ITPR2: variants seen among roughly 807,000 people sequenced by gnomAD.
The protein encoded by ITPR2 is inositol 1,4,5-trisphosphate receptor type 2.
Under a neutral mutation model 317.1 loss-of-function variants are expected in ITPR2, and 207 were observed. That is an observed-to-expected ratio of 0.65 (90% CI 0.58 to 0.73). The LOEUF (loss-of-function observed/expected upper bound fraction) is 0.73, where lower values mean the gene tolerates loss of function less well. Among genes scored for constraint, ITPR2 ranks in the 30% least tolerant of loss-of-function variants. ITPR2 has a pLI of 0.00. For synonymous variants in ITPR2, 1,156 were observed against 1,149.1 expected (o/e 1.01, Z -0.12); for missense variants, 2,613 against 3,284.0 (o/e 0.80, Z 4.99).
At position 26,514,540 on chromosome 12, in the gene ITPR2, T is replaced by G. The variant is rs1338289962; in HGVS notation, c.5074-19280A>C. Among the ~76,000 whole-genome samples the G allele has an allele frequency of 3.9e-5, 6 of 152,222 alleles. No homozygotes were observed. In the East Asian group the frequency reaches 1.2e-3, roughly 29 times the overall value. ...TGCCTTGGCACGTGCTATTTCCAAC[T>G]CTGTCTGGAAATAATAGTACATTGA... On this transcript the variant is annotated intron_variant, in intron 37 of 56. Coordinates refer to ENST00000381340, the MANE Select transcript of ITPR2 (RefSeq NM_002223.4).
chr12:26,593,729 ATTTTTTTGTT>A (rs1945763725), intron 32 of ITPR2, among the ~76,000 whole-genome samples: 1 of 85,680 alleles, frequency 1.2e-5, no homozygotes, highest in South Asian at 3.2e-4. Context: ...AATCATTGCT[ATTTTTTTGTT>A]TTTTTTTTTG....
At chr12:26,522,500 A>G (rs1023412138) in intron 37 of ITPR2, among the ~76,000 whole-genome samples, 1 of 152,188 alleles carries the variant, frequency 6.6e-6, no homozygotes, top group South Asian at 2.1e-4. Flanking sequence ...GGAAGAAAAC[A>G]TCTAAGATCT....
At chr12:26,637,681 A>C (rs1432287068) in intron 21 of ITPR2, among the ~76,000 whole-genome samples, 1 of 152,198 alleles carries the variant, frequency 6.6e-6, no homozygotes, top group Non-Finnish European at 1.5e-5. Flanking sequence ...CTTTCGCTAC[A>C]CCTCTGAAAA....
intron 37 of ITPR2, among the ~76,000 whole-genome samples, chr12:26,519,286 G>A (rs1943606762): frequency 6.6e-6 from 1 of 152,170 alleles, no homozygotes; most frequent in African/African-American, 2.4e-5. Flanking sequence ...GTGTGTTTGT[G>A]TGTTGGTGAA....
At chr12:26,748,767 G>C (rs1283060120) in intron 2 of ITPR2, among the ~76,000 whole-genome samples, 1 of 152,198 alleles carries the variant, frequency 6.6e-6, no homozygotes, top group East Asian at 1.9e-4. Context: ...ACCCATGGGT[G>C]ATGAGTCACT....
chr12:26,799,690 T>C (rs758349179), intron 1 of ITPR2, among the ~76,000 whole-genome samples: 3 of 152,238 alleles, frequency 2.0e-5, no homozygotes, highest in Non-Finnish European at 1.5e-5. Flanking sequence ...TTCCTTTTCT[T>C]GATCCTCTTG....
intron 54 of ITPR2, among the ~76,000 whole-genome samples, chr12:26,389,439 C>T (rs577404351): frequency 1.8e-4 from 28 of 151,740 alleles, no homozygotes; most frequent in African/African-American, 6.0e-4. Context: ...CCTTACCTCT[C>T]ACTGTTCTCT....
At chr12:26,765,532 GATGGATGTAAT>G (rs1247458071) in intron 2 of ITPR2, among the ~76,000 whole-genome samples, 3 of 152,036 alleles carry the variant, frequency 2.0e-5, no homozygotes. Flanking sequence ...CTGCTGATTG[GATGGATGTAAT>G]AACATACAAC....
At chr12:26,572,345 T>C (rs1945183017) in intron 34 of ITPR2, among the ~76,000 whole-genome samples, 1 of 152,160 alleles carries the variant, frequency 6.6e-6, no homozygotes, top group Non-Finnish European at 1.5e-5. Flanking sequence ...AACTCTGAAA[T>C]GGGCCTTATC....
At position 26,628,718 on chromosome 12, in the gene ITPR2, G is replaced by T. The variant is rs112404405; in HGVS notation, c.2935-556C>A. 2.0e-3 allele frequency among the ~76,000 whole-genome samples: 308 copies of T among 152,242 alleles called. 1 individual carries two copies. The highest frequency in any genetic ancestry group is 6.9e-3 in the African/African-American group (286 of 41,548). ...TCATTGTTCTCATTCATGGATGCACGGACAGAAACTAAGTACCTAGCAAGG... is the reference window on the plus strand; with the variant it reads ...TCATTGTTCTCATTCATGGATGCACTGACAGAAACTAAGTACCTAGCAAGG... On this transcript the variant is annotated intron_variant, in intron 22 of 56. Transcript: ENST00000381340.
chr12:26,680,796 G>A (rs1242362416), intron 13 of ITPR2, among the ~76,000 whole-genome samples: 2 of 152,124 alleles, frequency 1.3e-5, no homozygotes, highest in Admixed American at 1.3e-4. Flanking sequence ...TTTTCCATTT[G>A]GGGTTATTTC....
rs772288538 is a variant in ITPR2, at chr12:26,427,991, C to T, written c.6867G>A (p.Pro2289=). The change falls in exon 49 of 57, where the codon CCG becomes CCA. Residue 2289 remains proline, a synonymous_variant. Transcript: ENST00000381340. ...ATCTGAGCATTATTGATACAAGAAA[C>T]GGCCGAATACCCACAGGCTTGGAGA... The part of the protein sequence containing the change: ...FFFSKPVGIR[P]FLVSIMLRSI... The T allele has an allele frequency of 1.8e-5, 29 of 1,612,462 alleles. No homozygotes were observed. The highest frequency in any genetic ancestry group is 3.3e-5 in the South Asian group (3 of 90,916).
chr12:26,819,546 CA>C (rs1950908639), intron 1 of ITPR2, among the ~76,000 whole-genome samples: 1 of 152,158 alleles, frequency 6.6e-6, no homozygotes, highest in African/African-American at 2.4e-5. Flanking sequence ...GCATTTTTAT[CA>C]GCAAATTCTT....
intron 37 of ITPR2, among the ~76,000 whole-genome samples, chr12:26,539,729 G>A (rs2292050): frequency 0.078 from 11,932 of 152,264 alleles, 1,229 homozygotes; most frequent in East Asian, 0.46. Flanking sequence ...TCTGCGAGAC[G>A]TCTTCTTCCT....
intron 41 of ITPR2, 29 bp from the exon 42 acceptor site, chr12:26,483,927 G>C: frequency 1.9e-6 from 3 of 1,587,840 alleles, no homozygotes; most frequent in Non-Finnish European, 2.6e-6. Flanking sequence ...AAAATTGAAG[G>C]GTTACAAAAA....
intron 10 of ITPR2, among the ~76,000 whole-genome samples, chr12:26,687,704 C>T (rs193072821): frequency 6.6e-6 from 1 of 152,162 alleles, no homozygotes; most frequent in Admixed American, 6.5e-5. Context: ...AATGGTAGCA[C>T]CGTTGAAATG....
intron 42 of ITPR2, among the ~76,000 whole-genome samples, chr12:26,483,014 A>C (rs967360547): frequency 2.0e-5 from 3 of 152,176 alleles, no homozygotes; most frequent in Non-Finnish European, 2.9e-5. Context: ...TCAACTGGCA[A>C]ACTTTCAGGT....
intron 45 of ITPR2, among the ~76,000 whole-genome samples, chr12:26,457,662 G>A (rs139301812): frequency 7.2e-5 from 11 of 152,208 alleles, no homozygotes; most frequent in African/African-American, 1.7e-4. Flanking sequence ...TGTAACATAC[G>A]GTGCAATGAA....
At chr12:26,626,839 AG>A (rs1480481020) in intron 23 of ITPR2, among the ~76,000 whole-genome samples, 1 of 152,256 alleles carries the variant, frequency 6.6e-6, no homozygotes, top group African/African-American at 2.4e-5. Context: ...GGCAGTTAGA[AG>A]GAAGTTTCAC....
Sources: gnomAD v4.1 joint callset for allele counts (sites outside exome capture counted in the v4.1 genomes callset) on GRCh38, gnomAD v4.1.1 for gene constraint, MANE v1.5 for transcripts, NCBI Gene and HGNC (gene_info 2026-07-23, HGNC 2026-07-21) for gene names.